The following ANKS1B variants were observed in gnomAD, a reference collection of about 807,000 sequenced individuals.
ANKS1B encodes ankyrin repeat and sterile alpha motif domain containing 1B.
In ANKS1B, 36 loss-of-function variants were observed where a neutral mutation model predicts 148.3. The observed-to-expected ratio is 0.24, with a 90% CI of 0.19 to 0.32. The LOEUF (loss-of-function observed/expected upper bound fraction) is 0.32, where lower values mean the gene tolerates loss of function less well. ANKS1B is among the 10% of genes least tolerant of loss of function. The pLI is 1.00. For synonymous variants in ANKS1B, 542 were observed against 560.8 expected, an observed-to-expected ratio of 0.97 and a Z score of 0.47; for missense variants, 1,157 against 1,542.6, an observed-to-expected ratio of 0.75 and a Z score of 4.19.
intron 9 of ANKS1B, among the ~76,000 whole-genome samples, chr12:99,518,331 C>T (rs1240169165): frequency 6.6e-6 from 1 of 152,032 alleles, no homozygotes; most frequent in African/African-American, 2.4e-5. Flanking sequence ...GCAGTGAAGC[C>T]ATCAGGTCCT....
chr12:99,618,353 C>T (rs764067233), intron 9 of ANKS1B, among the ~76,000 whole-genome samples: 1 of 152,164 alleles, frequency 6.6e-6, no homozygotes, highest in African/African-American at 2.4e-5. Flanking sequence ...ATCTTAAAAT[C>T]TCTATACTGC....
chr12:99,196,545 T>A (rs1000749049), intron 14 of ANKS1B, among the ~76,000 whole-genome samples: 1 of 152,130 alleles, frequency 6.6e-6, no homozygotes, highest in African/African-American at 2.4e-5. Context: ...CAAAGACTTA[T>A]CTTACAGAAC....
intron 15 of ANKS1B, among the ~76,000 whole-genome samples, chr12:99,124,250 A>C (rs905520072): frequency 6.6e-6 from 1 of 152,214 alleles, no homozygotes; most frequent in African/African-American, 2.4e-5. Context: ...GCAGGTGCCA[A>C]GGATTTAAGA....
intron 17 of ANKS1B, chr12:98,976,404 G>A (rs2099896075): frequency 6.6e-6 from 1 of 152,168 alleles, no homozygotes; most frequent in Non-Finnish European, 1.5e-5. Context: ...GAAGCAACAA[G>A]AAGAAAGTGT....
chr12:99,247,145 T>A (rs2073964695), intron 12 of ANKS1B, among the ~76,000 whole-genome samples: 1 of 152,190 alleles, frequency 6.6e-6, no homozygotes, highest in African/African-American at 2.4e-5. Flanking sequence ...CTTCATTCAC[T>A]TCTCCCTTGA....
intron 12 of ANKS1B, among the ~76,000 whole-genome samples, chr12:99,265,881 T>C (rs932786799): frequency 6.6e-6 from 1 of 152,210 alleles, no homozygotes. Flanking sequence ...CGGGGAATTA[T>C]ATATCTTCAG....
chr12:99,958,905 T>C (rs1016321620), intron 1 of ANKS1B, among the ~76,000 whole-genome samples: 1 of 152,150 alleles, frequency 6.6e-6, no homozygotes, highest in Non-Finnish European at 1.5e-5. Context: ...AGATAATTAA[T>C]GTTTTGCATT....
At chr12:99,248,871 G>A (rs2074217033) in intron 12 of ANKS1B, among the ~76,000 whole-genome samples, 1 of 152,186 alleles carries the variant, frequency 6.6e-6, no homozygotes. Context: ...CAAGCAAGTA[G>A]GCTCTTTGTA....
intron 17 of ANKS1B, among the ~76,000 whole-genome samples, chr12:98,866,258 C>A (rs2099624193): frequency 6.6e-6 from 1 of 152,210 alleles, no homozygotes; most frequent in Admixed American, 6.5e-5. Flanking sequence ...TCTTCAGTTA[C>A]AGCACTCCTG....
intron 20 of ANKS1B, among the ~76,000 whole-genome samples, chr12:98,804,975 G>C (rs169306): frequency 0.45 from 68,577 of 151,950 alleles, 16,440 homozygotes; most frequent in East Asian, 0.73. Context: ...ATGAAAAGCA[G>C]ACCTAAACAC....
chr12:98,843,798 T>C (rs1306759406), intron 17 of ANKS1B, among the ~76,000 whole-genome samples: 2 of 152,194 alleles, frequency 1.3e-5, no homozygotes, highest in African/African-American at 4.8e-5. Flanking sequence ...TTAACATAAG[T>C]AAGCTCCCTG....
chr12:98,790,841 A>C (rs1245189441), intron 22 of ANKS1B, among the ~76,000 whole-genome samples: 2 of 152,228 alleles, frequency 1.3e-5, no homozygotes, highest in African/African-American at 4.8e-5. Context: ...CAATCAATCA[A>C]CATGTTTAGA....
Position 99,085,367 on chromosome 12 carries a change from A to C in ANKS1B, c.2527-344T>G, listed in dbSNP as rs576118374. On this transcript the variant is annotated intron_variant, in intron 15 of 26. Coordinates refer to ENST00000683438, the MANE Select transcript of ANKS1B (RefSeq NM_001352186.2). Reference sequence around the variant, plus strand: ...AATAATAATAAAATAAAAATAAATAAATAAAAAAAGATCCAAAAAAAAAAA... The same window carrying C: ...AATAATAATAAAATAAAAATAAATACATAAAAAAAGATCCAAAAAAAAAAA... Among the ~76,000 whole-genome samples the C allele has an allele frequency of 2.7e-5, 4 of 149,282 alleles. No homozygotes were observed. In the East Asian group the frequency reaches 7.7e-4, roughly 29 times the overall value.
At chr12:99,936,774 C>T (rs1261056136) in intron 1 of ANKS1B, among the ~76,000 whole-genome samples, 2 of 152,130 alleles carry the variant, frequency 1.3e-5, no homozygotes, top group African/African-American at 4.8e-5. Flanking sequence ...TCAGCCATTA[C>T]TTTTGTGACC....
chr12:99,896,118 T>C (rs2153751927), intron 1 of ANKS1B, among the ~76,000 whole-genome samples: 1 of 151,368 alleles, frequency 6.6e-6, no homozygotes, highest in South Asian at 2.1e-4. Context: ...TCTACTCTCT[T>C]AGCACATTTC....
At chr12:99,489,634 T>G (rs535396211) in intron 10 of ANKS1B, among the ~76,000 whole-genome samples, 3 of 152,190 alleles carry the variant, frequency 2.0e-5, no homozygotes, top group Admixed American at 2.0e-4. Context: ...CACGTGGTTA[T>G]AGTAACCAAA....
intron 1 of ANKS1B, among the ~76,000 whole-genome samples, chr12:99,919,791 A>AAAAAAC (rs752118693): frequency 1.3e-5 from 2 of 151,794 alleles, no homozygotes; most frequent in Non-Finnish European, 1.5e-5. Flanking sequence ...AAAAAAAAAA[A>AAAAAAC]AAACCTGGAT....
chr12:99,309,553 G>A (rs1239980129), intron 12 of ANKS1B, among the ~76,000 whole-genome samples: 1 of 151,968 alleles, frequency 6.6e-6, no homozygotes, highest in Non-Finnish European at 1.5e-5. Flanking sequence ...GCATCTTAAT[G>A]GATGTGTATG....
At chr12:99,099,202 C>T (rs557496456) in intron 15 of ANKS1B, among the ~76,000 whole-genome samples, 22 of 152,334 alleles carry the variant, frequency 1.4e-4, no homozygotes, top group Non-Finnish European at 2.1e-4. Context: ...AGCATGGCAT[C>T]GCCCATCCCT....
Sources: gnomAD v4.1 joint callset for allele counts (sites outside exome capture counted in the v4.1 genomes callset) on GRCh38, gnomAD v4.1.1 for gene constraint, MANE v1.5 for transcripts, NCBI Gene and HGNC (gene_info 2026-07-23, HGNC 2026-07-21) for gene names.